CERKL: variants seen among roughly 807,000 people sequenced by gnomAD.
CERKL encodes the protein CERK like autophagy regulator.
A neutral mutation model predicts 63.4 loss-of-function variants in CERKL; 61 were observed. The observed-to-expected ratio is 0.96, with a 90% confidence interval of 0.78 to 1.19. The LOEUF is 1.19. Among genes scored for constraint, CERKL ranks in the 50% most tolerant of loss-of-function variants. CERKL has a pLI of 0.00. For synonymous variants in CERKL, 250 were observed against 230.5 expected, an observed-to-expected ratio of 1.08 and a Z score of -0.77; for missense variants, 675 against 655.5, an observed-to-expected ratio of 1.03 and a Z score of -0.33.
At chr2:181,655,844 T>C (rs915391028) in intron 1 of CERKL, among the ~76,000 whole-genome samples, 3 of 152,206 alleles carry the variant, frequency 2.0e-5, no homozygotes, top group African/African-American at 7.2e-5. Context: ...CTTGATGTAG[T>C]TCCTCCCCCA....
chr2:181,537,725 C>T lies in CERKL; in HGVS notation c.*459G>A. 1 of 435,618 alleles carries T rather than the reference C, an allele frequency of 2.3e-6. No individual in the cohort carries two copies. Among genetic ancestry groups the T allele is most frequent in the Admixed American group, 2.5e-5 (1 of 40,310 alleles). 27.0% of individuals were successfully genotyped at this position (435,618 alleles called of 1,614,324 possible). ...TGGTTGCAAAGTTTTTTTGTGTGTCCAATAAACACATTGTAAAAAAAAGAA... is the reference window on the plus strand; with the variant it reads ...TGGTTGCAAAGTTTTTTTGTGTGTCTAATAAACACATTGTAAAAAAAAGAA... On this transcript the variant is annotated 3_prime_UTR_variant, in exon 13 of 13. Coordinates refer to ENST00000410087, the MANE Select transcript of CERKL (RefSeq NM_201548.5).
At chr2:181,644,868 C>A (rs1687603840) in intron 1 of CERKL, among the ~76,000 whole-genome samples, 1 of 152,092 alleles carries the variant, frequency 6.6e-6, no homozygotes, top group Admixed American at 6.5e-5. Context: ...GCTGGAACAG[C>A]AAGAAAGCTT....
chr2:181,612,733 T>G (rs1686019520), intron 1 of CERKL, among the ~76,000 whole-genome samples: 2 of 152,136 alleles, frequency 1.3e-5, no homozygotes, highest in Admixed American at 1.3e-4. Flanking sequence ...TCTTCCAAAT[T>G]ATTTTTTAAT....
intron 1 of CERKL, among the ~76,000 whole-genome samples, chr2:181,618,673 T>C (rs1013767751): frequency 1.3e-5 from 2 of 152,114 alleles, no homozygotes; most frequent in Non-Finnish European, 2.9e-5. Context: ...CGGCCTCGCA[T>C]AGTGTTGAGA....
In CERKL at chr2:181,642,222, T is replaced by C. The variant is rs146409277; in HGVS notation, c.238+14547A>G. Reference sequence around the variant, plus strand: ...GTCCTTCAATAATTCACATGAGTAATAGGTCATATTGGGGTTTAACCCCTG... The same window carrying C: ...GTCCTTCAATAATTCACATGAGTAACAGGTCATATTGGGGTTTAACCCCTG... On this transcript the variant is annotated intron_variant, in intron 1 of 12. Transcript: ENST00000410087. Among the ~76,000 whole-genome samples the C allele has an allele frequency of 4.3e-3, 661 of 152,298 alleles. 2 individuals are homozygous for C. Among genetic ancestry groups the C allele is most frequent in the African/African-American group, 0.015 (640 of 41,564 alleles).
chr2:181,584,346 T>C (rs925458076), intron 2 of CERKL, among the ~76,000 whole-genome samples: 1 of 141,696 alleles, frequency 7.1e-6, no homozygotes, highest in African/African-American at 2.8e-5. Context: ...ATATTGTCTC[T>C]ACAGAAAAAA....
chr2:181,573,859 T>TAATGACTTCGGTCTGTTTGG lies in CERKL; in HGVS notation c.487_506dup (p.Leu169PhefsTer8). ...GACTTTGGGGGTTAAGGAGTATTTTTAATGACTTCGGTCTGTTTGGAAAGC... is the reference window on the plus strand; with the variant it reads ...GACTTTGGGGGTTAAGGAGTATTTTTAATGACTTCGGTCTGTTTGGAATGACTTCGGTCTGTTTGGAAAGC... On this transcript the variant is annotated frameshift_variant, in exon 3 of 13. Transcript: ENST00000410087. LOFTEE classifies it high-confidence loss of function. The TAATGACTTCGGTCTGTTTGG allele has an allele frequency of 6.2e-7, 1 of 1,613,010 alleles. No homozygotes were observed. Among genetic ancestry groups the TAATGACTTCGGTCTGTTTGG allele is most frequent in the Non-Finnish European group, 8.5e-7 (1 of 1,179,418 alleles).
In CERKL at chr2:181,603,901, A is replaced by T; in HGVS notation, c.417T>A (p.Asp139Glu). Residue 139 changes from aspartate to glutamate, a missense_variant, in exon 2 of 13, where the codon GAT (aspartate) becomes GAA (glutamate). Physicochemically the swap from Asp to Glu is conservative, Grantham distance 45. Coordinates refer to ENST00000410087, the MANE Select transcript of CERKL (RefSeq NM_201548.5). ...AGTGGTCTTCACTTAAATTAATAAGATCAAGTGTAGAATTCTTTAGTTTAT... is the reference window on the plus strand; with the variant it reads ...AGTGGTCTTCACTTAAATTAATAAGTTCAAGTGTAGAATTCTTTAGTTTAT... ...EQNKLKNSTLDLINLSEDHCD... is the reference protein window; with the variant it reads ...EQNKLKNSTLELINLSEDHCD... 1 of 1,612,252 alleles carries T rather than the reference A, an allele frequency of 6.2e-7. No homozygotes were observed. Among genetic ancestry groups the T allele is most frequent in the Middle Eastern group, 1.7e-4 (1 of 6,034 alleles).
chr2:181,571,221 G>A (rs902152446), intron 3 of CERKL, among the ~76,000 whole-genome samples: 2 of 152,068 alleles, frequency 1.3e-5, no homozygotes, highest in Non-Finnish European at 2.9e-5. Context: ...GGTTTTATAA[G>A]CAAATGATGT....
intron 2 of CERKL, among the ~76,000 whole-genome samples, chr2:181,587,726 T>C (rs1401790510): frequency 6.6e-6 from 1 of 152,156 alleles, no homozygotes; most frequent in Admixed American, 6.5e-5. Flanking sequence ...CTTCATGAAC[T>C]AGAAAATTAT....
intron 1 of CERKL, among the ~76,000 whole-genome samples, chr2:181,612,047 T>C (rs887595544): frequency 3.3e-5 from 5 of 152,212 alleles, no homozygotes; most frequent in South Asian, 2.1e-4. Flanking sequence ...ATTTGTATTA[T>C]CTAATTTAAT....
intron 3 of CERKL, among the ~76,000 whole-genome samples, chr2:181,567,086 A>G (rs1688697543): frequency 6.6e-6 from 1 of 152,162 alleles, no homozygotes; most frequent in South Asian, 2.1e-4. Context: ...ATCATTCTGT[A>G]TCCAGCAGTG....
intron 2 of CERKL, among the ~76,000 whole-genome samples, chr2:181,585,497 C>G (rs753685738): frequency 1.3e-5 from 2 of 151,928 alleles, no homozygotes; most frequent in Non-Finnish European, 2.9e-5. Context: ...TAAAATAAGA[C>G]AAAAATACTT....
chr2:181,618,421 TTTTTTA>T (rs1686304404), intron 1 of CERKL, among the ~76,000 whole-genome samples: 1 of 151,990 alleles, frequency 6.6e-6, no homozygotes, highest in South Asian at 2.1e-4. Context: ...TATTTTTATT[TTTTTTA>T]TTTTTTTGAG....
At chr2:181,587,686 C>T (rs962913956) in intron 2 of CERKL, among the ~76,000 whole-genome samples, 23 of 151,968 alleles carry the variant, frequency 1.5e-4, no homozygotes, top group Admixed American at 4.6e-4. Flanking sequence ...CATAAAAAAT[C>T]CAATTCAAAT....
intron 3 of CERKL, among the ~76,000 whole-genome samples, chr2:181,568,348 A>C (rs1688750783): frequency 2.0e-5 from 3 of 152,148 alleles, no homozygotes; most frequent in Admixed American, 2.0e-4. Flanking sequence ...ATTCTCTCTC[A>C]AATATATTGT....
Position 181,656,993 on chromosome 2 carries a change from C to T in CERKL, c.14G>A (p.Arg5Lys). The T allele has an allele frequency of 6.3e-7, 1 of 1,580,606 alleles. No homozygotes were observed. The highest frequency in any genetic ancestry group is 8.6e-7 in the Non-Finnish European group (1 of 1,168,146). ...CAGGGCACTCACCCGGTTCCTGCGC[C>T]TCCTCCAGGGCATGGCGGAGTCGCA... Reference protein sequence around the residue: MPWRRRRNRVSALEG... With the variant: MPWRKRRNRVSALEG... The change falls in exon 1 of 13, where the codon AGG (arginine) becomes AAG (lysine). Residue 5 changes from arginine (R) to lysine (K), a missense_variant. Coordinates refer to ENST00000410087, the MANE Select transcript of CERKL (RefSeq NM_201548.5).
chr2:181,618,519 G>A (rs552996962), intron 1 of CERKL, among the ~76,000 whole-genome samples: 6 of 151,916 alleles, frequency 3.9e-5, no homozygotes, highest in African/African-American at 1.5e-4. Flanking sequence ...CTGGGTTCAA[G>A]TGATTCTCGT....
At chr2:181,650,482 G>A (rs1687880556) in intron 1 of CERKL, among the ~76,000 whole-genome samples, 1 of 152,210 alleles carries the variant, frequency 6.6e-6, no homozygotes, top group African/African-American at 2.4e-5. Context: ...TAATCGGCCA[G>A]GCATTGTGGC....
Sources: gnomAD v4.1 joint callset for allele counts (sites outside exome capture counted in the v4.1 genomes callset) on GRCh38, gnomAD v4.1.1 for gene constraint, MANE v1.5 for transcripts, NCBI Gene and HGNC (gene_info 2026-07-23, HGNC 2026-07-21) for gene names.